The following PRKCB variants were observed in gnomAD, a reference collection of about 807,000 sequenced individuals.
PRKCB encodes protein kinase C beta, also known as protein kinase C beta type.
In PRKCB, 13 loss-of-function variants were observed where a neutral mutation model predicts 81.5. The observed-to-expected ratio is 0.16, with a 90% CI of 0.10 to 0.25. PRKCB has a LOEUF of 0.25. Among genes scored for constraint, PRKCB ranks in the 10% least tolerant of loss-of-function variants. The pLI is 1.00. For synonymous variants in PRKCB, 335 were observed against 321.4 expected, an observed-to-expected ratio of 1.04 and a Z score of -0.45; for missense variants, 509 against 875.7, an observed-to-expected ratio of 0.58 and a Z score of 5.29.
At chr16:23,944,661 C>G (rs1964181779) in intron 2 of PRKCB, among the ~76,000 whole-genome samples, 2 of 152,160 alleles carry the variant, frequency 1.3e-5, no homozygotes, top group South Asian at 4.1e-4. Context: ...CAAGCCAGGT[C>G]CCCCTCCTGC....
chr16:23,848,965 C>T (rs550478949), intron 2 of PRKCB, among the ~76,000 whole-genome samples: 1 of 152,080 alleles, frequency 6.6e-6, no homozygotes, highest in Non-Finnish European at 1.5e-5. Context: ...ATCAAGGAGA[C>T]GACGCAAGAA....
At chr16:23,955,555 G>C (rs1400192490) in intron 2 of PRKCB, among the ~76,000 whole-genome samples, 1 of 152,170 alleles carries the variant, frequency 6.6e-6, no homozygotes, top group African/African-American at 2.4e-5. Context: ...GTGGGAGGCT[G>C]TCCCCTGGGG....
chr16:23,934,695 G>A (rs1964034373), intron 2 of PRKCB, among the ~76,000 whole-genome samples: 1 of 152,128 alleles, frequency 6.6e-6, no homozygotes, highest in African/African-American at 2.4e-5. Context: ...CTAATCCCTT[G>A]TAGTCTGTTC....
intron 2 of PRKCB, among the ~76,000 whole-genome samples, chr16:23,906,729 A>G (rs890852627): frequency 6.6e-6 from 1 of 152,066 alleles, no homozygotes; most frequent in Non-Finnish European, 1.5e-5. Flanking sequence ...TTTTTACCAG[A>G]TGGCCAGCCA....
chr16:24,023,997 C>G (rs913894307), intron 3 of PRKCB, among the ~76,000 whole-genome samples: 3 of 152,170 alleles, frequency 2.0e-5, no homozygotes, highest in African/African-American at 7.2e-5. Flanking sequence ...GCACAAAGGA[C>G]AAATTTTAGA....
At chr16:23,849,128 T>C (rs1459688441) in intron 2 of PRKCB, among the ~76,000 whole-genome samples, 2 of 152,238 alleles carry the variant, frequency 1.3e-5, no homozygotes, top group African/African-American at 2.4e-5. Context: ...ACACTTTAAT[T>C]TGTGGGAAAC....
chr16:23,945,773 A>C (rs904465972), intron 2 of PRKCB, among the ~76,000 whole-genome samples: 5 of 152,190 alleles, frequency 3.3e-5, no homozygotes, highest in African/African-American at 1.2e-4. Context: ...CAAAACAAAA[A>C]AAACAAACAA....
chr16:23,865,466 C>CATATATATAT (rs375074228), intron 2 of PRKCB, among the ~76,000 whole-genome samples: 3 of 36,016 alleles, frequency 8.3e-5, no homozygotes, highest in Non-Finnish European at 1.0e-4. Flanking sequence ...CAATGCCCGG[C>CATATATATAT]ATATATATAT....
chr16:24,020,285 G>T (rs570102710), intron 3 of PRKCB, among the ~76,000 whole-genome samples: 12 of 152,256 alleles, frequency 7.9e-5, no homozygotes, highest in African/African-American at 2.9e-4. Context: ...TTAAAAATAG[G>T]TTTATTTAAA....
At chr16:23,964,188 C>T (rs1286790984) in intron 2 of PRKCB, among the ~76,000 whole-genome samples, 1 of 152,222 alleles carries the variant, frequency 6.6e-6, no homozygotes, top group African/African-American at 2.4e-5. Flanking sequence ...AGTATGTGCT[C>T]ATGGCTGATG....
chr16:23,972,966 G>T lies in PRKCB; in HGVS notation c.206-15542G>T, dbSNP rs546541366. Among the ~76,000 whole-genome samples, 355 of 152,254 alleles carry T rather than the reference G, an allele frequency of 2.3e-3. 4 individuals carry two copies. The highest frequency in any genetic ancestry group is 6.8e-3 in the Middle Eastern group (2 of 294). On this transcript the variant is annotated intron_variant, in intron 2 of 16. Transcript: ENST00000643927. ...AGCTAGTGCCTATTATGGTGTTAAG[G>T]TTTAGTTTTTTCTTTTAGTGTTTTT...
At chr16:24,088,278 C>T (rs186410783) in intron 5 of PRKCB, among the ~76,000 whole-genome samples, 2 of 152,288 alleles carry the variant, frequency 1.3e-5, no homozygotes, top group Admixed American at 1.3e-4. Flanking sequence ...TCTCAGGATG[C>T]ATTCCACAGC....
chr16:24,011,985 CT>C (rs1426802257), intron 3 of PRKCB, among the ~76,000 whole-genome samples: 1 of 152,174 alleles, frequency 6.6e-6, no homozygotes, highest in Non-Finnish European at 1.5e-5. Flanking sequence ...CAGTGTTGGT[CT>C]TTAGGTCCTG....
intron 3 of PRKCB, among the ~76,000 whole-genome samples, chr16:23,994,838 G>C (rs1246250147): frequency 6.6e-6 from 1 of 152,164 alleles, no homozygotes; most frequent in Non-Finnish European, 1.5e-5. Context: ...CACCTTCACT[G>C]TCCTACTTCA....
At chr16:24,164,462 G>A in intron 10 of PRKCB, among the ~76,000 whole-genome samples, 1 of 152,204 alleles carries the variant, frequency 6.6e-6, no homozygotes, top group East Asian at 1.9e-4. Flanking sequence ...AGCGGTAATA[G>A]TGTAATGAAG....
intron 5 of PRKCB, among the ~76,000 whole-genome samples, chr16:24,069,393 C>T (rs181689891): frequency 5.9e-5 from 9 of 152,210 alleles, no homozygotes; most frequent in Non-Finnish European, 8.8e-5. Flanking sequence ...AAGTTTGGCC[C>T]GGAAGAGGCT....
Position 24,219,390 on chromosome 16 carries a change from A to G in PRKCB, c.*4574A>G, listed in dbSNP as rs1355400305. On this transcript the variant is annotated 3_prime_UTR_variant, in exon 17 of 17. Coordinates refer to ENST00000643927, the MANE Select transcript of PRKCB (RefSeq NM_002738.7). ...CTGCCTGATAAACACCCAATTCTAG[A>G]CTGTGGGTGGATTTTCGAGCTGACG... 1.0e-6 allele frequency: 1 copy of G among 985,400 alleles called. No individual in the cohort carries two copies. Among genetic ancestry groups the G allele is most frequent in the African/African-American group, 1.8e-5 (1 of 57,076 alleles). The allele number at this position is 985,400 out of a possible 1,614,324, so 61.0% of individuals were successfully genotyped here.
chr16:24,030,898 C>CA (rs71154267), intron 3 of PRKCB, among the ~76,000 whole-genome samples: 68,356 of 130,272 alleles, frequency 0.52, 17,487 homozygotes, highest in South Asian at 0.66. Flanking sequence ...AACTCTATCT[C>CA]AAAAAAAAAA....
intron 2 of PRKCB, among the ~76,000 whole-genome samples, chr16:23,919,923 T>C (rs557142289): frequency 6.6e-6 from 1 of 152,354 alleles, no homozygotes; most frequent in African/African-American, 2.4e-5. Context: ...TGGATTGCTC[T>C]CATCTTTTGG....
Sources: gnomAD v4.1 joint callset for allele counts (sites outside exome capture counted in the v4.1 genomes callset) on GRCh38, gnomAD v4.1.1 for gene constraint, MANE v1.5 for transcripts, NCBI Gene and HGNC (gene_info 2026-07-23, HGNC 2026-07-21) for gene names.